The following PELI2 variants were observed in gnomAD, a reference collection of about 807,000 sequenced individuals.
The protein encoded by PELI2 is pellino E3 ubiquitin protein ligase family member 2.
Under a neutral mutation model 42.3 loss-of-function variants are expected in PELI2, and 23 were observed. The ratio of observed to expected loss-of-function variants is 0.54; its 90% CI spans 0.39 to 0.77. The LOEUF is 0.77. PELI2 is among the 30% of genes least tolerant of loss of function. PELI2 has a pLI of 0.00. For missense variants in PELI2, 463 were observed against 553.2 expected, an observed-to-expected ratio of 0.84 and a Z score of 1.64; for synonymous variants, 245 against 212.2, an observed-to-expected ratio of 1.15 and a Z score of -1.34.
chr14:56,124,735 T>C (rs150533746), intron 1 of PELI2, among the ~76,000 whole-genome samples: 26 of 152,270 alleles, frequency 1.7e-4, no homozygotes, highest in Non-Finnish European at 2.5e-4. Context: ...CCCCTAGCCA[T>C]GTGCCAGGAT....
chr14:56,230,974 C>T (rs1887541662), intron 2 of PELI2, among the ~76,000 whole-genome samples: 1 of 152,156 alleles, frequency 6.6e-6, no homozygotes, highest in Non-Finnish European at 1.5e-5. Flanking sequence ...TCTGATAAAA[C>T]AGACTTTAAA....
chr14:56,227,527 G>T (rs181671841), intron 2 of PELI2, among the ~76,000 whole-genome samples: 53 of 152,316 alleles, frequency 3.5e-4, no homozygotes, highest in African/African-American at 1.3e-3. Context: ...TGGAGTTATT[G>T]GTATGAGTTC....
chr14:56,192,063 C>A (rs1885965558), intron 2 of PELI2, among the ~76,000 whole-genome samples: 1 of 152,208 alleles, frequency 6.6e-6, no homozygotes, highest in Admixed American at 6.5e-5. Flanking sequence ...CCATGTTGGC[C>A]AGGCTGGTCT....
At chr14:56,183,564 G>A (rs1885666141) in intron 2 of PELI2, among the ~76,000 whole-genome samples, 1 of 152,142 alleles carries the variant, frequency 6.6e-6, no homozygotes, top group Admixed American at 6.5e-5. Flanking sequence ...TTGGGTTTAT[G>A]GTCCTGATCG....
chr14:56,183,798 T>A (rs1311645451), intron 2 of PELI2, among the ~76,000 whole-genome samples: 1 of 152,184 alleles, frequency 6.6e-6, no homozygotes. Flanking sequence ...TTAAACTTTA[T>A]TAGTCATACT....
At chr14:56,131,955 G>A (rs1198051552) in intron 1 of PELI2, among the ~76,000 whole-genome samples, 15 of 152,126 alleles carry the variant, frequency 9.9e-5, no homozygotes, top group Non-Finnish European at 1.9e-4. Context: ...CTCTCTTTGC[G>A]GTAGTGAGGA....
chr14:56,258,627 G>A (rs952138928), intron 2 of PELI2, among the ~76,000 whole-genome samples: 1 of 150,720 alleles, frequency 6.6e-6, no homozygotes, highest in Non-Finnish European at 1.5e-5. Context: ...AGAAACTGAA[G>A]AAGAAAAGAT....
chr14:56,286,714 A>C (rs1208177357), intron 3 of PELI2, among the ~76,000 whole-genome samples: 1 of 152,198 alleles, frequency 6.6e-6, no homozygotes, highest in African/African-American at 2.4e-5. Flanking sequence ...TTCAGCAGGA[A>C]AGTGACTTAG....
intron 2 of PELI2, among the ~76,000 whole-genome samples, chr14:56,276,630 G>A (rs1889300384): frequency 6.6e-6 from 1 of 152,096 alleles, no homozygotes; most frequent in South Asian, 2.1e-4. Flanking sequence ...CTGCTGCCCC[G>A]GAGCCACTCC....
intron 1 of PELI2, among the ~76,000 whole-genome samples, chr14:56,135,244 C>T (rs1375070259): frequency 6.6e-6 from 1 of 152,144 alleles, no homozygotes; most frequent in East Asian, 1.9e-4. Flanking sequence ...TGTGTGTGCA[C>T]ACACCTTGGG....
At chr14:56,245,499 A>G (rs1888118600) in intron 2 of PELI2, among the ~76,000 whole-genome samples, 1 of 152,240 alleles carries the variant, frequency 6.6e-6, no homozygotes, top group Admixed American at 6.5e-5. Context: ...TGTCTACAAT[A>G]TGCCCATTAA....
chr14:56,252,129 G>A (rs1888368190), intron 2 of PELI2, among the ~76,000 whole-genome samples: 1 of 152,200 alleles, frequency 6.6e-6, no homozygotes, highest in Admixed American at 6.5e-5. Flanking sequence ...ACCAGAAATT[G>A]TGCAGTAAGG....
intron 2 of PELI2, among the ~76,000 whole-genome samples, chr14:56,227,525 T>C (rs556691629): frequency 2.0e-5 from 3 of 152,220 alleles, no homozygotes; most frequent in East Asian, 1.9e-4. Context: ...ATTGGAGTTA[T>C]TGGTATGAGT....
intron 2 of PELI2, among the ~76,000 whole-genome samples, chr14:56,262,737 C>G (rs1223786319): frequency 3.9e-5 from 6 of 152,278 alleles, no homozygotes; most frequent in Admixed American, 3.3e-4. Flanking sequence ...TGTTCCTGAT[C>G]TAACTCTCTC....
chr14:56,273,866 T>C lies in PELI2; in HGVS notation c.208-5810T>C, dbSNP rs1458816284. Among the ~76,000 whole-genome samples, 1 of 152,216 alleles carries C rather than the reference T, an allele frequency of 6.6e-6. No homozygotes were observed. The highest frequency in any genetic ancestry group is 1.5e-5 in the Non-Finnish European group (1 of 68,032). On this transcript the variant is annotated intron_variant, in intron 2 of 5. Transcript: ENST00000267460. The surrounding 1 kb of genome is among the most constrained non-coding windows in gnomAD (Gnocchi z 4.3). ...AGCAGCCTAAAACCCTGATTTTTATTCCAGAGGTCTGGGGACAGGTAGTTC... is the reference window on the plus strand; with the variant it reads ...AGCAGCCTAAAACCCTGATTTTTATCCCAGAGGTCTGGGGACAGGTAGTTC...
chr14:56,210,408 G>A (rs1203661970), intron 2 of PELI2, among the ~76,000 whole-genome samples: 3 of 152,008 alleles, frequency 2.0e-5, no homozygotes, highest in Non-Finnish European at 4.4e-5. Context: ...GTGTTTTATT[G>A]TAAGCCTTTT....
At chr14:56,262,050 GT>G in intron 2 of PELI2, among the ~76,000 whole-genome samples, 1 of 152,340 alleles carries the variant, frequency 6.6e-6, no homozygotes, top group East Asian at 1.9e-4. Context: ...GGCTTTATCC[GT>G]AAGAGGGCAA....
At chr14:56,272,669 C>A (rs1594703759) in intron 2 of PELI2, among the ~76,000 whole-genome samples, 1 of 152,206 alleles carries the variant, frequency 6.6e-6, no homozygotes, top group Non-Finnish European at 1.5e-5. Flanking sequence ...AGTCTATAAT[C>A]ATTTTAAATA....
At chr14:56,119,217 G>A (rs1190845849) in intron 1 of PELI2, 1 of 151,980 alleles carries the variant, frequency 6.6e-6, no homozygotes, top group Non-Finnish European at 1.5e-5. Context: ...CGTGGTACCC[G>A]CGCCCCCGAA....
Sources: allele counts gnomAD v4.1 joint callset (sites outside exome capture counted in the v4.1 genomes callset), GRCh38; gene constraint gnomAD v4.1.1; non-coding constraint Gnocchi (gnomAD v3.1); transcripts MANE v1.5; gene names NCBI Gene and HGNC (gene_info 2026-07-23, HGNC 2026-07-21).